The following PRDM11 variants were observed in gnomAD, a reference collection of about 807,000 sequenced individuals.
The protein encoded by PRDM11 is PR domain-containing protein 11.
Under a neutral mutation model 97.8 loss-of-function variants are expected in PRDM11, and 20 were observed. The observed-to-expected ratio is 0.20, with a 90% CI of 0.14 to 0.30. The LOEUF (loss-of-function observed/expected upper bound fraction) is 0.30. PRDM11 is among the 10% of genes least tolerant of loss of function. The pLI is 1.00. For synonymous variants in PRDM11, 599 were observed against 637.7 expected (o/e 0.94, Z 0.91); for missense variants, 1,139 against 1,555.2 (o/e 0.73, Z 4.50).
At chr11:45,096,012 T>A (rs1386563263) in intron 1 of PRDM11, 1 of 702,478 alleles carries the variant, frequency 1.4e-6, no homozygotes, top group Non-Finnish European at 2.6e-6. Context: ...CTGCTTGTTG[T>A]CATCTTCTCA....
At chr11:45,223,298 G>T (rs2135849348) in intron 6 of PRDM11, among the ~76,000 whole-genome samples, 1 of 152,256 alleles carries the variant, frequency 6.6e-6, no homozygotes, top group Middle Eastern at 3.4e-3. Context: ...GTGGGTCTCT[G>T]TCTCAAAAAA....
intron 2 of PRDM11, 112 bp from the exon 3 acceptor site, chr11:45,182,134 G>A (rs1437175569): frequency 1.1e-6 from 1 of 939,970 alleles, no homozygotes; most frequent in Non-Finnish European, 1.6e-6. Flanking sequence ...GGACTCCTCT[G>A]CCCACCCCAC....
chr11:45,127,641 C>CAGAACAGCGGTGGCTGT (rs1436523686), intron 1 of PRDM11, among the ~76,000 whole-genome samples: 1 of 152,182 alleles, frequency 6.6e-6, no homozygotes, highest in Non-Finnish European at 1.5e-5. Context: ...GCGGTGGCTG[C>CAGAACAGCGGTGGCTGT]AGAACAGCGG....
chr11:45,151,885 G>A (rs1197208751), intron 1 of PRDM11, among the ~76,000 whole-genome samples: 1 of 152,122 alleles, frequency 6.6e-6, no homozygotes, highest in Non-Finnish European at 1.5e-5. Context: ...AGTGTAAGGG[G>A]AGGAGATGGA....
chr11:45,116,377 A>G (rs1394978698), intron 1 of PRDM11, among the ~76,000 whole-genome samples: 1 of 152,256 alleles, frequency 6.6e-6, no homozygotes, highest in African/African-American at 2.4e-5. Flanking sequence ...TCACCAAGAC[A>G]TACCACATAC....
intron 1 of PRDM11, among the ~76,000 whole-genome samples, chr11:45,101,013 A>G (rs543165795): frequency 2.6e-4 from 40 of 152,324 alleles, no homozygotes; most frequent in African/African-American, 9.4e-4. Flanking sequence ...CAACAGAGGG[A>G]CAAGTATTGT....
At chr11:45,147,274 G>C (rs2135676124) in intron 1 of PRDM11, 1 of 151,340 alleles carries the variant, frequency 6.6e-6, no homozygotes, top group East Asian at 2.0e-4. Context: ...CTCGGAATGA[G>C]AACGCGGTGA....
At chr11:45,210,292 T>C (rs1853679951) in intron 5 of PRDM11, among the ~76,000 whole-genome samples, 2 of 152,194 alleles carry the variant, frequency 1.3e-5, no homozygotes, top group Admixed American at 1.3e-4. Flanking sequence ...CCTCTGTACT[T>C]GTCCCTGCCT....
intron 1 of PRDM11, among the ~76,000 whole-genome samples, chr11:45,152,615 G>A (rs1281602160): frequency 1.3e-5 from 2 of 152,234 alleles, no homozygotes; most frequent in Non-Finnish European, 2.9e-5. Flanking sequence ...TGGAATGAGT[G>A]AATTAATTGA....
At chr11:45,147,154 A>AGCTC (rs1230112570) in intron 1 of PRDM11, among the ~76,000 whole-genome samples, 2 of 151,438 alleles carry the variant, frequency 1.3e-5, no homozygotes, top group Admixed American at 6.6e-5. Context: ...CCTTCCTCCC[A>AGCTC]GCTCGCTCGC....
chr11:45,206,444 G>A (rs1184773607), intron 5 of PRDM11, among the ~76,000 whole-genome samples: 1 of 152,210 alleles, frequency 6.6e-6, no homozygotes, highest in African/African-American at 2.4e-5. Context: ...TGTGCTGCCT[G>A]CCCTGTGGCT....
In PRDM11 at chr11:45,172,988, G is replaced by C. The variant is rs531669426; in HGVS notation, c.-6-8773G>C. Among the ~76,000 whole-genome samples, 20 of 152,318 alleles carry C rather than the reference G, an allele frequency of 1.3e-4. No homozygotes were observed. In the East Asian group the frequency reaches 3.7e-3, roughly 28 times the overall value. ...GGCTCCCATTTGCAACAATGGCTGT[G>C]TGCTTTCTCCTTCTAGTCATGAAAT... On this transcript the variant is annotated intron_variant, in intron 1 of 7. Transcript: ENST00000683152.
At chr11:45,192,369 A>G (rs977477397) in intron 4 of PRDM11, among the ~76,000 whole-genome samples, 6 of 152,252 alleles carry the variant, frequency 3.9e-5, no homozygotes, top group African/African-American at 1.4e-4. Context: ...GAATACCTCA[A>G]TCCAAAGATT....
chr11:45,164,185 G>C (rs530443982), intron 1 of PRDM11, among the ~76,000 whole-genome samples: 1 of 152,184 alleles, frequency 6.6e-6, no homozygotes, highest in Non-Finnish European at 1.5e-5. Flanking sequence ...GCGGGTCCCC[G>C]GTGGAGTGTA....
At chr11:45,154,289 G>A (rs79691049) in intron 1 of PRDM11, among the ~76,000 whole-genome samples, 1,777 of 152,252 alleles carry the variant, frequency 0.012, 15 homozygotes, top group Non-Finnish European at 0.017. Context: ...CTGGGAGATC[G>A]AGGCTGTGAT....
chr11:45,111,652 T>C (rs1268403450), intron 1 of PRDM11, among the ~76,000 whole-genome samples: 6 of 152,178 alleles, frequency 3.9e-5, no homozygotes, highest in African/African-American at 1.4e-4. Context: ...TGGGAGTGGC[T>C]TTCCTCACTA....
chr11:45,136,749 C>T (rs1176188179), intron 1 of PRDM11, among the ~76,000 whole-genome samples: 1 of 152,120 alleles, frequency 6.6e-6, no homozygotes, highest in East Asian at 1.9e-4. Flanking sequence ...CCCTTGCTGT[C>T]CCTGTGGACC....
intron 1 of PRDM11, among the ~76,000 whole-genome samples, chr11:45,119,717 T>C (rs1033311365): frequency 2.0e-5 from 3 of 150,486 alleles, no homozygotes; most frequent in East Asian, 3.9e-4. Flanking sequence ...ACTAATACTG[T>C]AATGCAGCCA....
chr11:45,207,680 G>A (rs189618077), intron 5 of PRDM11, among the ~76,000 whole-genome samples: 27 of 152,290 alleles, frequency 1.8e-4, no homozygotes, highest in Non-Finnish European at 3.1e-4. Context: ...CGAGTCCCAT[G>A]GCTTGGCCCA....
Sources: allele counts gnomAD v4.1 joint callset (sites outside exome capture counted in the v4.1 genomes callset), GRCh38; gene constraint gnomAD v4.1.1; transcripts MANE v1.5; gene names NCBI Gene and HGNC (gene_info 2026-07-23, HGNC 2026-07-21).